QTMAN: variants seen among roughly 807,000 people sequenced by gnomAD.
QTMAN encodes the protein tRNA-queuosine alpha-mannosyltransferase.
At chr2:144,086,021 A>G in the QTMAN span, among the ~76,000 whole-genome samples, 1 of 152,158 alleles carries the variant, frequency 6.6e-6, no homozygotes, top group Non-Finnish European at 1.5e-5. Context: ...ACTATATATT[A>G]TTTATTGACT....
the QTMAN span, among the ~76,000 whole-genome samples, chr2:144,119,872 A>AAAACC: frequency 6.8e-6 from 1 of 146,256 alleles, no homozygotes; most frequent in Non-Finnish European, 1.5e-5. Flanking sequence ...AAAACAAAAC[A>AAAACC]AAACAAAAAA....
the QTMAN span, among the ~76,000 whole-genome samples, chr2:144,168,106 G>A: frequency 7.2e-5 from 11 of 152,284 alleles, no homozygotes; most frequent in African/African-American, 2.2e-4. Context: ...GGAGACTAAT[G>A]TAGGTTAATC....
At chr2:144,149,279 A>G in the QTMAN span, among the ~76,000 whole-genome samples, 1 of 151,978 alleles carries the variant, frequency 6.6e-6, no homozygotes, top group Admixed American at 6.6e-5. Context: ...TAGGAACAAG[A>G]TAATTCCTGA....
At chr2:144,274,171 T>A in the QTMAN span, among the ~76,000 whole-genome samples, 4 of 152,000 alleles carry the variant, frequency 2.6e-5, no homozygotes. Context: ...CTAACCATGG[T>A]TCCTGGCATA....
the QTMAN span, among the ~76,000 whole-genome samples, chr2:143,993,479 G>A: frequency 2.0e-5 from 3 of 151,956 alleles, no homozygotes; most frequent in African/African-American, 7.3e-5. Context: ...TCGAACATCT[G>A]GGTGGGCCCT....
the QTMAN span, among the ~76,000 whole-genome samples, chr2:144,151,842 A>T: frequency 2.6e-5 from 4 of 152,282 alleles, no homozygotes; most frequent in African/African-American, 9.6e-5. Context: ...ATTTTAACAC[A>T]ATTTGCTTTA....
At chr2:144,131,196 T>C in the QTMAN span, among the ~76,000 whole-genome samples, 1 of 151,900 alleles carries the variant, frequency 6.6e-6, no homozygotes, top group Admixed American at 6.6e-5. Context: ...AACGAGGCTC[T>C]GACTCATCTC....
the QTMAN span, among the ~76,000 whole-genome samples, chr2:144,070,119 T>A: frequency 2.8e-4 from 42 of 152,264 alleles, no homozygotes; most frequent in South Asian, 2.3e-3. Context: ...ACCACCCATA[T>A]TTTGAAATTC....
At chr2:144,297,894 A>C in the QTMAN span, among the ~76,000 whole-genome samples, 1 of 151,606 alleles carries the variant, frequency 6.6e-6, no homozygotes, top group Non-Finnish European at 1.5e-5. Context: ...TCCATCTCTT[A>C]AAAAAGAAAA....
chr2:144,182,853 T>TTATATATAATATATATATATTA, the QTMAN span, among the ~76,000 whole-genome samples: 2 of 47,306 alleles, frequency 4.2e-5, no homozygotes, highest in Non-Finnish European at 8.4e-5. Flanking sequence ...TATATATATT[T>TTATATATAATATATATATATTA]TATATATAAT....
chr2:144,160,084 C>A, the QTMAN span, among the ~76,000 whole-genome samples: 5 of 152,064 alleles, frequency 3.3e-5, no homozygotes, highest in Non-Finnish European at 5.9e-5. Flanking sequence ...CAAAGAAAGT[C>A]TGAAGAAATG....
the QTMAN span, among the ~76,000 whole-genome samples, chr2:144,307,188 T>TAAAAAAAAAAAA: frequency 8.6e-5 from 7 of 81,242 alleles, no homozygotes; most frequent in Non-Finnish European, 1.3e-4. Flanking sequence ...AAAAAACAAT[T>TAAAAAAAAAAAA]AAAAAAAAAA....
the QTMAN span, among the ~76,000 whole-genome samples, chr2:143,980,428 G>A: frequency 1.3e-5 from 2 of 152,184 alleles, no homozygotes; most frequent in South Asian, 2.1e-4. Flanking sequence ...AGTTCCTCGA[G>A]GGCAGAGGTC....
At chr2:144,030,914 C>G in the QTMAN span, among the ~76,000 whole-genome samples, 1 of 152,112 alleles carries the variant, frequency 6.6e-6, no homozygotes, top group African/African-American at 2.4e-5. Context: ...TTTCTGTGAA[C>G]GAAGCTGTAG....
At chr2:144,136,434 G>GGAAAGGAAAGGAAAA in the QTMAN span, among the ~76,000 whole-genome samples, 1 of 142,372 alleles carries the variant, frequency 7.0e-6, no homozygotes, top group Non-Finnish European at 1.5e-5. Context: ...GGAAAGGAAA[G>GGAAAGGAAAGGAAAA]GAAAAGAAAG....
At chr2:144,061,590 T>C in the QTMAN span, among the ~76,000 whole-genome samples, 13 of 152,304 alleles carry the variant, frequency 8.5e-5, no homozygotes, top group South Asian at 2.3e-3. Flanking sequence ...ACCTAGGTGC[T>C]GACATGTTTT....
the QTMAN span, among the ~76,000 whole-genome samples, chr2:144,274,080 G>A: frequency 1.3e-5 from 2 of 152,034 alleles, no homozygotes; most frequent in Admixed American, 6.5e-5. Context: ...GTTGCAGTAG[G>A]CCGAGATCAC....
the QTMAN span, among the ~76,000 whole-genome samples, chr2:144,269,125 C>G: frequency 3.3e-5 from 5 of 152,114 alleles, no homozygotes; most frequent in Non-Finnish European, 7.4e-5. Context: ...TATAAATCTA[C>G]GTAAGATGTT....
the QTMAN span, chr2:144,317,402 G>GAAGGAAGGAAGC: frequency 6.6e-6 from 1 of 150,704 alleles, no homozygotes; most frequent in Non-Finnish European, 1.5e-5. Context: ...AGGAAGGAAG[G>GAAGGAAGGAAGC]AAGGAAGGAA....
Sources: allele counts gnomAD v4.1 joint callset (sites outside exome capture counted in the v4.1 genomes callset), GRCh38; gene constraint gnomAD v4.1.1; transcripts MANE v1.5; gene names NCBI Gene and HGNC (gene_info 2026-07-23, HGNC 2026-07-21).